The following FBN1 variants were observed in gnomAD, a reference collection of about 807,000 sequenced individuals.
FBN1 encodes the protein fibrillin-1.
A neutral mutation model predicts 365.1 loss-of-function variants in FBN1; 29 were observed. The ratio of observed to expected loss-of-function variants is 0.08; its 90% confidence interval spans 0.06 to 0.11. The LOEUF (loss-of-function observed/expected upper bound fraction) is 0.11, where lower values mean the gene tolerates loss of function less well. Ranked by LOEUF, FBN1 falls within the 10% of genes least tolerant of loss-of-function variation. The probability of loss-of-function intolerance (pLI) is 1.00; values close to 1 mark genes in which losing one functional copy is unlikely to be tolerated. For synonymous variants in FBN1, 1,210 were observed against 1,270.5 expected (o/e 0.95, Z 1.01); for missense variants, 2,476 against 3,703.2 (o/e 0.67, Z 8.60).
intron 29 of FBN1, 41 bp from the exon 30 acceptor site, chr15:48,485,537 G>C: frequency 1.2e-6 from 2 of 1,609,272 alleles, no homozygotes; most frequent in African/African-American, 1.3e-5. Context: ...GATATGGTTT[G>C]GATGTCTGTC....
intron 43 of FBN1, among the ~76,000 whole-genome samples, chr15:48,459,198 C>T (rs1388879547): frequency 6.6e-6 from 1 of 152,178 alleles, no homozygotes; most frequent in African/African-American, 2.4e-5. Context: ...CTGGTTGGTC[C>T]GTGGAGAACC....
intron 60 of FBN1, among the ~76,000 whole-genome samples, chr15:48,422,351 G>A (rs2042950722): frequency 6.6e-6 from 1 of 152,094 alleles, no homozygotes; most frequent in African/African-American, 2.4e-5. Flanking sequence ...CCTCAACAAA[G>A]GAATTTCAAA....
At chr15:48,633,793 C>T (rs1333523983) in intron 2 of FBN1, among the ~76,000 whole-genome samples, 1 of 152,134 alleles carries the variant, frequency 6.6e-6, no homozygotes, top group Non-Finnish European at 1.5e-5. Flanking sequence ...TACCAGTCCA[C>T]CTCTTGAGGG....
intron 6 of FBN1, among the ~76,000 whole-genome samples, chr15:48,582,196 C>T (rs1232665305): frequency 6.6e-6 from 1 of 152,148 alleles, no homozygotes; most frequent in Non-Finnish European, 1.5e-5. Flanking sequence ...ATAAACTATG[C>T]CTGAAAACTA....
At chr15:48,574,319 T>C (rs1382392628) in intron 6 of FBN1, among the ~76,000 whole-genome samples, 6 of 152,252 alleles carry the variant, frequency 3.9e-5, no homozygotes, top group Non-Finnish European at 7.3e-5. Context: ...CTTTCTCATC[T>C]GACAAATCAG....
intron 64 of FBN1, among the ~76,000 whole-genome samples, chr15:48,413,302 AG>A (rs5812448): frequency 0.058 from 8,878 of 152,272 alleles, 296 homozygotes; most frequent in East Asian, 0.15. Flanking sequence ...TTGATAATGA[AG>A]GTTAATTTAA....
chr15:48,598,563 A>G (rs1180013093), intron 5 of FBN1, among the ~76,000 whole-genome samples: 1 of 152,146 alleles, frequency 6.6e-6, no homozygotes, highest in Non-Finnish European at 1.5e-5. Flanking sequence ...TTTAAGCTCT[A>G]GCAACACCAA....
intron 6 of FBN1, among the ~76,000 whole-genome samples, chr15:48,551,026 C>T (rs1057417080): frequency 6.6e-6 from 1 of 152,132 alleles, no homozygotes; most frequent in South Asian, 2.1e-4. Flanking sequence ...TTAAGTTAGT[C>T]TAAATCCTTA....
chr15:48,499,177 AG>A, intron 17 of FBN1, 139 bp from the exon 18 acceptor site: 2 of 828,288 alleles, frequency 2.4e-6, no homozygotes, highest in Non-Finnish European at 4.1e-6. Context: ...GTATCTCCCC[AG>A]GGAGTCACCT....
At chr15:48,558,604 A>G (rs2044199823) in intron 6 of FBN1, among the ~76,000 whole-genome samples, 1 of 152,230 alleles carries the variant, frequency 6.6e-6, no homozygotes, top group Non-Finnish European at 1.5e-5. Context: ...GAAAAAGCAC[A>G]CAAATTAGCA....
chr15:48,415,479 T>G, intron 64 of FBN1, 57 bp downstream of exon 64: 1 of 1,326,624 alleles, frequency 7.5e-7, no homozygotes, highest in Non-Finnish European at 1.1e-6. Context: ...TTCAGTATAC[T>G]TAATTATATT....
intron 49 of FBN1, among the ~76,000 whole-genome samples, chr15:48,444,016 G>A (rs887361001): frequency 1.3e-5 from 2 of 152,114 alleles, no homozygotes; most frequent in Non-Finnish European, 2.9e-5. Context: ...TGGTGACAGA[G>A]TAAGACCCTG....
chr15:48,467,909 T>G, intron 38 of FBN1, 29 bp downstream of exon 38: 1 of 1,596,434 alleles, frequency 6.3e-7, no homozygotes, highest in Non-Finnish European at 8.6e-7. Context: ...GGAGTTGAAA[T>G]AATAATAAAT....
rs1182774402 is a variant in FBN1 at position 48,516,310 on chromosome 15, T to C, written c.1200A>G (p.Glu400=). The C allele has an allele frequency of 1.9e-6, 3 of 1,613,726 alleles. No individual in the cohort carries two copies. The highest frequency in any genetic ancestry group is 2.5e-6 in the Non-Finnish European group (3 of 1,179,902). Residue 400 remains glutamate (E), a synonymous_variant, in exon 11 of 66, where the codon GAA becomes GAG. Transcript: ENST00000316623. Reference sequence around the variant, plus strand: ...TGGGGCCAAGGGGTGGGGGAGGATATTCTGGTCTCCCAGGAATTACCATAG... The same window carrying C: ...TGGGGCCAAGGGGTGGGGGAGGATACTCTGGTCTCCCAGGAATTACCATAG... ...SVPMVIPGRP[E]YPPPPLGPIP... is the part of the protein sequence containing the mutation.
chr15:48,629,528 T>C (rs765693850), intron 2 of FBN1, among the ~76,000 whole-genome samples: 1 of 152,190 alleles, frequency 6.6e-6, no homozygotes, highest in African/African-American at 2.4e-5. Context: ...AGAAAATTAG[T>C]GTTAATGGTA....
intron 3 of FBN1, 117 bp from the exon 4 acceptor site, chr15:48,610,943 TG>T (rs1172111856): frequency 2.7e-6 from 2 of 754,140 alleles, no homozygotes; most frequent in East Asian, 5.4e-5. Flanking sequence ...TTTGCTATCA[TG>T]ACTTATATGA....
Position 48,430,785 on chromosome 15 carries a change from C to T in FBN1, c.6757G>A (p.Glu2253Lys), listed in dbSNP as rs1245476075. Residue 2253 changes from glutamate to lysine, a missense_variant, in exon 56 of 66, where the codon GAG becomes AAG. By Grantham distance (56) the Glu-to-Lys change is moderately conservative (BLOSUM62 1). Transcript: ENST00000316623. ...TTTTCAGTACAGTCATGTTTTCCCTCTTCACACTCATCCTCATCTGTAAAA... is the reference window on the plus strand; with the variant it reads ...TTTTCAGTACAGTCATGTTTTCCCTTTTCACACTCATCCTCATCTGTAAAA... ...RMCKDEDECE[E>K]GKHDCTEKQM... The T allele has an allele frequency of 1.2e-6, 2 of 1,612,822 alleles. No individual in the cohort carries two copies. Among genetic ancestry groups the T allele is most frequent in the African/African-American group, 1.3e-5 (1 of 75,022 alleles).
intron 6 of FBN1, among the ~76,000 whole-genome samples, chr15:48,584,914 G>A (rs2044423917): frequency 6.6e-6 from 1 of 152,104 alleles, no homozygotes; most frequent in South Asian, 2.1e-4. Flanking sequence ...ATTTTCTCCA[G>A]TTTTCAAGTG....
chr15:48,428,555 C>G, intron 56 of FBN1, 84 bp from the exon 57 acceptor site: 1 of 1,478,040 alleles, frequency 6.8e-7, no homozygotes, highest in Non-Finnish European at 9.4e-7. Context: ...TTCGTTCCTT[C>G]CTTCCTCCCT....
Sources: gnomAD v4.1 joint callset for allele counts (sites outside exome capture counted in the v4.1 genomes callset) on GRCh38, gnomAD v4.1.1 for gene constraint, MANE v1.5 for transcripts, NCBI Gene and HGNC (gene_info 2026-07-23, HGNC 2026-07-21) for gene names.